Variants in PKIB observed in about 807,000 individuals in gnomAD.
PKIB encodes PKI-beta.
In PKIB, 2 loss-of-function variants were observed where a neutral mutation model predicts 4.5. That is an observed-to-expected ratio of 0.44 (90% CI 0.18 to 1.39). The LOEUF is 1.39. Ranked by LOEUF, PKIB falls within the 40% of genes most tolerant of loss-of-function variation. The pLI, the probability that PKIB is intolerant of heterozygous loss-of-function variation, is 0.27. For synonymous variants in PKIB, 38 were observed against 36.0 expected (o/e 1.06, Z -0.20); for missense variants, 94 against 92.6 (o/e 1.02, Z -0.06).
At chr6:122,501,619 C>G (rs952555791) in intron 2 of PKIB, among the ~76,000 whole-genome samples, 1 of 152,164 alleles carries the variant, frequency 6.6e-6, no homozygotes. Context: ...GTGCCATGTC[C>G]TGAGGCTGCA....
At chr6:122,601,014 A>G (rs1774347038) in intron 3 of PKIB, among the ~76,000 whole-genome samples, 2 of 152,176 alleles carry the variant, frequency 1.3e-5, no homozygotes, top group Admixed American at 1.3e-4. Flanking sequence ...ATTTCTTTAG[A>G]TAATGAATGC....
Position 122,635,694 on chromosome 6 carries a change from G to A in PKIB, c.-76+2327G>A, listed in dbSNP as rs555702234. ...GAATGTTAAAGTGGTTTAGTATCAGGAAACTTATTAAAGTGATTTCATAGT... is the reference window on the plus strand; with the variant it reads ...GAATGTTAAAGTGGTTTAGTATCAGAAAACTTATTAAAGTGATTTCATAGT... On this transcript the variant is annotated intron_variant, in intron 2 of 4. Transcript: ENST00000368452. Among the ~76,000 whole-genome samples, 3 of 152,110 alleles carry A rather than the reference G, an allele frequency of 2.0e-5. No homozygotes were observed. The South Asian group carries it at 6.2e-4, about 32-fold the overall frequency.
At chr6:122,624,158 G>T (rs528501392) in intron 1 of PKIB, among the ~76,000 whole-genome samples, 2 of 152,118 alleles carry the variant, frequency 1.3e-5, no homozygotes, top group African/African-American at 2.4e-5. Flanking sequence ...ACAATATATT[G>T]TAAGTACCAA....
intron 2 of PKIB, among the ~76,000 whole-genome samples, chr6:122,566,914 G>A (rs1773212004): frequency 6.6e-6 from 1 of 152,054 alleles, no homozygotes; most frequent in Admixed American, 6.6e-5. Context: ...CTGGGGACAA[G>A]GTCTCACTTT....
chr6:122,584,744 A>G (rs1425374405), intron 2 of PKIB, among the ~76,000 whole-genome samples: 1 of 152,134 alleles, frequency 6.6e-6, no homozygotes, highest in Non-Finnish European at 1.5e-5. Flanking sequence ...TTGTCTGTTT[A>G]ATTTACTGTT....
intron 3 of PKIB, among the ~76,000 whole-genome samples, chr6:122,683,272 T>C (rs1191709403): frequency 6.6e-6 from 1 of 152,166 alleles, no homozygotes; most frequent in Non-Finnish European, 1.5e-5. Flanking sequence ...TGGCATCTAC[T>C]TGGCTTCTAA....
At chr6:122,682,903 G>A (rs2114978221) in intron 3 of PKIB, among the ~76,000 whole-genome samples, 1 of 152,288 alleles carries the variant, frequency 6.6e-6, no homozygotes, top group East Asian at 1.9e-4. Context: ...GAATTATAGT[G>A]CAGAAATGGG....
rs189692009 is a variant in PKIB at position 122,530,170 on chromosome 6, A to C, written c.-248+52231A>C. On this transcript the variant is annotated intron_variant, in intron 2 of 6. Coordinates refer to the PKIB transcript ENST00000392491. ...AATCATCTCAACTGACTTGTCTTCA[A>C]GTTTGCTCATTATTTCATCTTAGTG... Among the ~76,000 whole-genome samples, 67 of 151,968 alleles carry C rather than the reference A, an allele frequency of 4.4e-4. No individual in the cohort carries two copies. In the South Asian group the frequency reaches 6.2e-3, roughly 14 times the overall value.
At chr6:122,545,383 C>A (rs1032741284) in intron 2 of PKIB, among the ~76,000 whole-genome samples, 1 of 151,866 alleles carries the variant, frequency 6.6e-6, no homozygotes, top group Non-Finnish European at 1.5e-5. Flanking sequence ...TGTATTAATG[C>A]AGCAACAGAC....
intron 2 of PKIB, among the ~76,000 whole-genome samples, chr6:122,489,246 ATT>A (rs1775869339): frequency 6.9e-6 from 1 of 145,126 alleles, no homozygotes; most frequent in African/African-American, 2.5e-5. Context: ...TATTATTATT[ATT>A]GTTATTATTA....
intron 2 of PKIB, chr6:122,644,386 C>G (rs1199820879): frequency 1.3e-5 from 2 of 152,144 alleles, no homozygotes; most frequent in Non-Finnish European, 2.9e-5. Flanking sequence ...GCTACAGGAG[C>G]CTCAGAAGTC....
Position 122,643,069 on chromosome 6 carries a change from A to T in PKIB, c.-76+9702A>T, listed in dbSNP as rs1383767446. ...GGAAAAATGAATAAATTAAAGCTAT[A>T]TTGTTACCAGCCATTTTGAAGACAA... On this transcript the variant is annotated intron_variant, in intron 2 of 4. Transcript: ENST00000368452. 2.0e-5 allele frequency among the ~76,000 whole-genome samples: 3 copies of T among 152,318 alleles called. No individual in the cohort carries two copies. In the South Asian group the frequency reaches 6.2e-4, roughly 32 times the overall value.
At chr6:122,688,242 T>C (rs773113958) in intron 3 of PKIB, among the ~76,000 whole-genome samples, 3 of 152,242 alleles carry the variant, frequency 2.0e-5, no homozygotes, top group East Asian at 1.9e-4. Context: ...TCTGTTAATA[T>C]AATGTATCAC....
intron 2 of PKIB, among the ~76,000 whole-genome samples, chr6:122,570,538 C>T (rs1238683330): frequency 6.6e-6 from 1 of 152,032 alleles, no homozygotes; most frequent in East Asian, 1.9e-4. Context: ...CCATTCCAAC[C>T]CCATATGAGA....
At chr6:122,616,811 A>G (rs1775011388) in intron 1 of PKIB, among the ~76,000 whole-genome samples, 1 of 151,914 alleles carries the variant, frequency 6.6e-6, no homozygotes, top group South Asian at 2.1e-4. Flanking sequence ...AGTCTGGTGG[A>G]TTGATCAATA....
intron 4 of PKIB, among the ~76,000 whole-genome samples, chr6:122,723,172 A>C (rs1189912459): frequency 6.6e-6 from 1 of 151,958 alleles, no homozygotes; most frequent in Non-Finnish European, 1.5e-5. Context: ...CTCTATCAAC[A>C]CTCCCTCACT....
At chr6:122,687,068 A>T (rs1033982797) in intron 3 of PKIB, among the ~76,000 whole-genome samples, 6 of 152,088 alleles carry the variant, frequency 3.9e-5, no homozygotes, top group Non-Finnish European at 8.8e-5. Context: ...GAGTTTTCTC[A>T]ATGTTTTCCT....
intron 3 of PKIB, among the ~76,000 whole-genome samples, chr6:122,604,523 TTGA>T (rs1774467338): frequency 6.6e-6 from 1 of 152,176 alleles, no homozygotes; most frequent in Non-Finnish European, 1.5e-5. Flanking sequence ...GAGTGTCAAG[TTGA>T]TGAGTTTATT....
intron 2 of PKIB, among the ~76,000 whole-genome samples, chr6:122,520,591 T>C (rs1391196676): frequency 6.6e-6 from 1 of 152,020 alleles, no homozygotes; most frequent in Non-Finnish European, 1.5e-5. Context: ...TCTTCTCCTC[T>C]AGGGAAAGTC....
Sources: allele counts gnomAD v4.1 joint callset (sites outside exome capture counted in the v4.1 genomes callset), GRCh38; gene constraint gnomAD v4.1.1; transcripts MANE v1.5; gene names NCBI Gene and HGNC (gene_info 2026-07-23, HGNC 2026-07-21).